The following KHDRBS2 variants were observed in gnomAD, a reference collection of about 807,000 sequenced individuals.
KHDRBS2 encodes KH RNA binding domain containing, signal transduction associated 2.
Under a neutral mutation model 44.3 loss-of-function variants are expected in KHDRBS2, and 26 were observed. The ratio of observed to expected loss-of-function variants is 0.59; its 90% CI spans 0.43 to 0.81. The LOEUF is 0.81. Ranked by LOEUF, KHDRBS2 falls within the 40% of genes least tolerant of loss-of-function variation. The pLI, the probability that KHDRBS2 is intolerant of heterozygous loss-of-function variation, is 0.00. For missense variants in KHDRBS2, 476 were observed against 433.1 expected, an observed-to-expected ratio of 1.10 and a Z score of -0.88; for synonymous variants, 194 against 151.1, an observed-to-expected ratio of 1.28 and a Z score of -2.08.
intron 3 of KHDRBS2, among the ~76,000 whole-genome samples, chr6:62,015,663 G>C (rs1236605211): frequency 5.9e-5 from 9 of 152,100 alleles, no homozygotes; most frequent in Admixed American, 4.6e-4. Flanking sequence ...TAGATACTCA[G>C]AGATACACAA....
chr6:61,871,479 T>G (rs1798651064), intron 6 of KHDRBS2, among the ~76,000 whole-genome samples: 1 of 152,056 alleles, frequency 6.6e-6, no homozygotes, highest in African/African-American at 2.4e-5. Context: ...CAAGACAGAA[T>G]AACATTCAAA....
chr6:61,655,135 A>G, the KHDRBS2 span, among the ~76,000 whole-genome samples: 2 of 151,730 alleles, frequency 1.3e-5, no homozygotes, highest in East Asian at 3.9e-4. Context: ...AGGAGAGTTT[A>G]GGTTATAGAA....
At chr6:61,799,470 T>A (rs1785913182) in intron 6 of KHDRBS2, among the ~76,000 whole-genome samples, 1 of 152,076 alleles carries the variant, frequency 6.6e-6, no homozygotes, top group African/African-American at 2.4e-5. Flanking sequence ...TATGACATCT[T>A]AATGAAACAA....
At chr6:61,635,791 T>C in the KHDRBS2 span, among the ~76,000 whole-genome samples, 22 of 152,150 alleles carry the variant, frequency 1.4e-4, no homozygotes, top group African/African-American at 5.1e-4. Flanking sequence ...AAAAAGCCTA[T>C]ATTCATAGTT....
chr6:61,852,842 T>C (rs9453252), intron 6 of KHDRBS2, among the ~76,000 whole-genome samples: 8,442 of 152,202 alleles, frequency 0.055, 821 homozygotes, highest in African/African-American at 0.19. Flanking sequence ...GTGAGTTCTG[T>C]TTACTTTTCT....
intron 1 of KHDRBS2, among the ~76,000 whole-genome samples, chr6:62,184,073 T>G (rs1822932186): frequency 6.6e-6 from 1 of 151,772 alleles, no homozygotes; most frequent in African/African-American, 2.4e-5. Context: ...AGAACCAAAC[T>G]TTTAATAATT....
At chr6:61,611,052 C>T in the KHDRBS2 span, among the ~76,000 whole-genome samples, 1 of 152,126 alleles carries the variant, frequency 6.6e-6, no homozygotes, top group Non-Finnish European at 1.5e-5. Flanking sequence ...TTTTGCATCT[C>T]TTTGGTAAAA....
At chr6:62,114,450 T>C (rs1246380987) in intron 2 of KHDRBS2, among the ~76,000 whole-genome samples, 1 of 152,132 alleles carries the variant, frequency 6.6e-6, no homozygotes, top group African/African-American at 2.4e-5. Context: ...TCTGAGCCTA[T>C]ATTTTTCTTA....
intron 5 of KHDRBS2, among the ~76,000 whole-genome samples, 180 bp from the exon 6 acceptor site, chr6:61,895,013 T>C (rs542437935): frequency 3.4e-4 from 51 of 151,868 alleles, no homozygotes; most frequent in South Asian, 4.1e-4. Context: ...TAAAGTGTGT[T>C]GATATCTATA....
chr6:62,194,803 G>A (rs1467282241), intron 1 of KHDRBS2, among the ~76,000 whole-genome samples: 13 of 151,194 alleles, frequency 8.6e-5, no homozygotes, highest in Non-Finnish European at 1.6e-4. Flanking sequence ...CACTGCACCC[G>A]GCCTACAATT....
chr6:62,157,699 T>C lies in KHDRBS2; in HGVS notation c.219+19486A>G, dbSNP rs1339874230. ...ATTATTTAATATTATATGTAGATTA[T>C]TCATTTTCCAATTTATGACACTTCA... is the stretch of plus-strand genomic sequence containing the variant. On this transcript the variant is annotated intron_variant, in intron 2 of 8. Coordinates refer to ENST00000281156, the MANE Select transcript of KHDRBS2 (RefSeq NM_152688.4). 2.0e-5 allele frequency among the ~76,000 whole-genome samples: 3 copies of C among 152,342 alleles called. No individual in the cohort carries two copies. In the East Asian group the frequency reaches 5.8e-4, roughly 29 times the overall value.
rs190647519 is a variant in KHDRBS2, at chr6:61,920,582, G to T, written c.484-19211C>A. Among the ~76,000 whole-genome samples the T allele has an allele frequency of 3.0e-3, 463 of 152,040 alleles. 3 individuals carry two copies. Among genetic ancestry groups the T allele is most frequent in the Non-Finnish European group, 4.8e-3 (328 of 67,908 alleles). Reference sequence around the variant, plus strand: ...GTGAATGCACTTTTTAAGTTGTAGAGAATCTTTGGACTACAACAAATTATG... The same window carrying T: ...GTGAATGCACTTTTTAAGTTGTAGATAATCTTTGGACTACAACAAATTATG... On this transcript the variant is annotated intron_variant, in intron 4 of 8. Transcript: ENST00000281156.
intron 2 of KHDRBS2, among the ~76,000 whole-genome samples, chr6:62,049,747 C>T (rs1788564537): frequency 6.6e-6 from 1 of 152,012 alleles, no homozygotes; most frequent in South Asian, 2.1e-4. Context: ...ATAGTACCAT[C>T]TTATGCCAGT....
chr6:61,759,920 C>T (rs1418846575), intron 6 of KHDRBS2, among the ~76,000 whole-genome samples: 5 of 152,080 alleles, frequency 3.3e-5, no homozygotes. Context: ...CCTGGCCAGA[C>T]TTTCTTAAAG....
chr6:61,966,845 C>T (rs1452764630), intron 4 of KHDRBS2, among the ~76,000 whole-genome samples: 1 of 151,770 alleles, frequency 6.6e-6, no homozygotes, highest in Non-Finnish European at 1.5e-5. Context: ...CCCTATCATG[C>T]ACTTAGAGAA....
At position 61,930,070 on chromosome 6, in the gene KHDRBS2, G is replaced by T. The variant is rs1809727912; in HGVS notation, c.484-28699C>A. Among the ~76,000 whole-genome samples, 3 of 152,032 alleles carry T rather than the reference G, an allele frequency of 2.0e-5. No homozygotes were observed. In the South Asian group the frequency reaches 6.2e-4, roughly 32 times the overall value. Reference sequence around the variant, plus strand: ...ATAAAATTAGGGTCCTCATAAAAGGGCATGAGGGAGGGGGTTCATTGCCTT... The same window carrying T: ...ATAAAATTAGGGTCCTCATAAAAGGTCATGAGGGAGGGGGTTCATTGCCTT... On this transcript the variant is annotated intron_variant, in intron 4 of 8. Transcript: ENST00000281156.
intron 6 of KHDRBS2, among the ~76,000 whole-genome samples, chr6:61,792,802 G>C (rs1354806336): frequency 6.6e-6 from 1 of 151,854 alleles, no homozygotes; most frequent in African/African-American, 2.4e-5. Context: ...TGAATAGAAA[G>C]ACTCGGTATC....
chr6:61,906,827 T>C (rs545464085), intron 4 of KHDRBS2, among the ~76,000 whole-genome samples: 200 of 152,284 alleles, frequency 1.3e-3, no homozygotes, highest in African/African-American at 4.7e-3. Context: ...ATTCCAAACA[T>C]TGGCTATTGA....
intron 1 of KHDRBS2, among the ~76,000 whole-genome samples, chr6:62,259,630 C>T (rs1157788220): frequency 1.3e-5 from 2 of 151,786 alleles, no homozygotes; most frequent in South Asian, 4.2e-4. Flanking sequence ...TGACAGAAAA[C>T]ATTTCTCGAT....
Sources: allele counts gnomAD v4.1 joint callset (sites outside exome capture counted in the v4.1 genomes callset), GRCh38; gene constraint gnomAD v4.1.1; transcripts MANE v1.5; gene names NCBI Gene and HGNC (gene_info 2026-07-23, HGNC 2026-07-21).